Variants in MSH6 observed in about 807,000 individuals in gnomAD.
The protein encoded by MSH6 is mutS homolog 6.
In MSH6, 85 loss-of-function variants were observed where a neutral mutation model predicts 119.1. The ratio of observed to expected loss-of-function variants is 0.71; its 90% confidence interval spans 0.60 to 0.85. MSH6 has a LOEUF of 0.85. Among genes scored for constraint, MSH6 ranks in the 40% least tolerant of loss-of-function variants. The pLI, the probability that MSH6 is intolerant of heterozygous loss-of-function variation, is 0.00. For missense variants in MSH6, 2,163 were observed against 1,655.3 expected (o/e 1.31, Z -5.32); for synonymous variants, 830 against 586.9 (o/e 1.41, Z -5.99).
chr2:47,806,599 C>G lies in MSH6; in HGVS notation c.3949C>G (p.His1317Asp), dbSNP rs759092293. The stretch of plus-strand genomic sequence containing the variant: ...CCCAGAGGAAGTTATTCAAAAGGGA[C>G]ATAGAAAAGCAAGAGAATTTGAGAA... Reference protein sequence around the residue: ...NLPEEVIQKGHRKAREFEKMN... With the variant: ...NLPEEVIQKGDRKAREFEKMN... Residue 1317 changes from histidine to aspartate, a missense_variant, in exon 9 of 10, where the codon CAT (histidine) becomes GAT (aspartate). By Grantham distance (81) the His-to-Asp change is moderately conservative (BLOSUM62 -1). Coordinates refer to ENST00000234420, the MANE Select transcript of MSH6 (RefSeq NM_000179.3). 6 of 1,612,838 alleles carry G rather than the reference C, an allele frequency of 3.7e-6. No homozygotes were observed. Among genetic ancestry groups the G allele is most frequent in the Non-Finnish European group, 5.1e-6 (6 of 1,179,762 alleles).
rs1197568064 is a variant in MSH6 at position 47,783,145 on chromosome 2, A to G, written c.-89A>G. 4 of 1,565,496 alleles carry G rather than the reference A, an allele frequency of 2.6e-6. No homozygotes were observed. The highest frequency in any genetic ancestry group is 2.6e-6 in the Non-Finnish European group (3 of 1,151,478). ...CCTCCGGCGGAGCGCGCCTCCCCCCAGATTTCCCGCCAGCAGGAGCCGCGC... is the reference window on the plus strand; with the variant it reads ...CCTCCGGCGGAGCGCGCCTCCCCCCGGATTTCCCGCCAGCAGGAGCCGCGC... On this transcript the variant is annotated 5_prime_UTR_variant, in exon 1 of 10. Coordinates refer to ENST00000234420, the MANE Select transcript of MSH6 (RefSeq NM_000179.3).
downstream of MSH6, chr2:47,809,448 C>T: frequency 1.4e-6 from 1 of 692,056 alleles, no homozygotes; most frequent in Middle Eastern, 3.7e-4. Context: ...GATACTCCAA[C>T]CATTTAGAAC....
At chr2:47,785,842 T>G (rs958280267) in intron 1 of MSH6, among the ~76,000 whole-genome samples, 48 of 152,336 alleles carry the variant, frequency 3.2e-4, no homozygotes, top group African/African-American at 1.1e-3. Context: ...CGTATGTTAT[T>G]TGTTTCTTGA....
At chr2:47,787,598 T>A (rs1668424500) in intron 1 of MSH6, among the ~76,000 whole-genome samples, 1 of 152,116 alleles carries the variant, frequency 6.6e-6, no homozygotes, top group Admixed American at 6.5e-5. Context: ...CCTAAAATCA[T>A]AATTTAAGGT....
chr2:47,796,528 C>CA (rs1422761847), intron 3 of MSH6, among the ~76,000 whole-genome samples: 1 of 152,242 alleles, frequency 6.6e-6, no homozygotes, highest in Non-Finnish European at 1.5e-5. Context: ...AGGCATGAGC[C>CA]ACAGCACCCA....
chr2:47,792,216 T>C (rs997489701), intron 2 of MSH6, among the ~76,000 whole-genome samples: 4 of 152,216 alleles, frequency 2.6e-5, no homozygotes, highest in African/African-American at 7.2e-5. Flanking sequence ...CTCCAACTTC[T>C]GACCTCAGGT....
chr2:47,799,238 C>G lies in MSH6; in HGVS notation c.1255C>G (p.Gln419Glu), dbSNP rs762814792. The stretch of plus-strand genomic sequence containing the variant: ...GAGGAAGTGGTGGCAGATTAAGTCT[C>G]AGAACTTTGATCTTGTCATCTGTTA... ...GMRKWWQIKS[Q>E]NFDLVICYKV... Residue 419 changes from glutamine (Q) to glutamate (E), a missense_variant, in exon 4 of 10, where the codon CAG becomes GAG. Physicochemically the swap from Gln to Glu is conservative, Grantham distance 29. Coordinates refer to ENST00000234420, the MANE Select transcript of MSH6 (RefSeq NM_000179.3). 6.2e-7 allele frequency: 1 copy of G among 1,614,140 alleles called. No individual in the cohort carries two copies. Among genetic ancestry groups the G allele is most frequent in the Non-Finnish European group, 8.5e-7 (1 of 1,180,028 alleles).
chr2:47,792,105 C>A (rs997349141), intron 2 of MSH6, among the ~76,000 whole-genome samples: 1 of 152,198 alleles, frequency 6.6e-6, no homozygotes, highest in East Asian at 1.9e-4. Context: ...CTCCCCCTAC[C>A]AAAGTGCTGG....
At chr2:47,809,594 A>G (rs776226469), downstream of MSH6, 12 of 1,599,922 alleles carry the variant, frequency 7.5e-6, no homozygotes, top group South Asian at 9.9e-5. Context: ...GCAGACTCCA[A>G]CATACCTTTC....
At chr2:47,789,070 C>T (rs1240029934) in intron 1 of MSH6, among the ~76,000 whole-genome samples, 1 of 150,988 alleles carries the variant, frequency 6.6e-6, no homozygotes, top group Non-Finnish European at 1.5e-5. Flanking sequence ...GGATTATAGG[C>T]CTCTGCCACT....
intron 3 of MSH6, among the ~76,000 whole-genome samples, chr2:47,797,354 G>A (rs1036329459): frequency 2.0e-5 from 3 of 152,184 alleles, no homozygotes; most frequent in African/African-American, 7.2e-5. Context: ...TAATTTTAAG[G>A]TTGAAACTAA....
intron 1 of MSH6, among the ~76,000 whole-genome samples, chr2:47,785,486 G>A (rs1668297554): frequency 6.6e-6 from 1 of 152,132 alleles, no homozygotes; most frequent in African/African-American, 2.4e-5. Context: ...CCAAAGTGCT[G>A]GGATTACAGG....
intron 2 of MSH6, among the ~76,000 whole-genome samples, chr2:47,791,853 A>T (rs182872731): frequency 5.6e-4 from 81 of 143,944 alleles, no homozygotes; most frequent in East Asian, 4.1e-3. Flanking sequence ...ATATATATAT[A>T]TTTTTTTTTT....
Position 47,783,242 on chromosome 2 carries a change from A to G in MSH6, c.9A>G (p.Arg3=), listed in dbSNP as rs1553408080. Reference sequence around the variant, plus strand: ...CCTTGCCGGCTGTCGGTATGTCGCGACAGAGCACCCTGTACAGCTTCTTCC... The same window carrying G: ...CCTTGCCGGCTGTCGGTATGTCGCGGCAGAGCACCCTGTACAGCTTCTTCC... MS[R]QSTLYSFFPK... The change falls in exon 1 of 10, where the codon CGA becomes CGG. Residue 3 remains arginine (R), a synonymous_variant. Coordinates refer to ENST00000234420, the MANE Select transcript of MSH6 (RefSeq NM_000179.3). 1 of 1,611,578 alleles carries G rather than the reference A, an allele frequency of 6.2e-7. No homozygotes were observed. The highest frequency in any genetic ancestry group is 2.2e-5 in the East Asian group (1 of 44,694).
chr2:47,803,306 A>G, intron 4 of MSH6, 114 bp from the exon 5 acceptor site: 11 of 1,367,688 alleles, frequency 8.0e-6, no homozygotes, highest in Non-Finnish European at 1.1e-5. Context: ...GTTGGACTGT[A>G]ATTGAAAGTT....
rs1668103064 is a variant in MSH6, at chr2:47,783,176, A to T, written c.-58A>T. On this transcript the variant is annotated 5_prime_UTR_variant, in exon 1 of 10. The change abolishes an upstream ATG in the 5' untranslated region. Coordinates refer to ENST00000234420, the MANE Select transcript of MSH6 (RefSeq NM_000179.3). Reference sequence around the variant, plus strand: ...CCCGCCAGCAGGAGCCGCGCGGTAGATGCGGTGCTTTTAGGAGCTCCGTCC... The same window carrying T: ...CCCGCCAGCAGGAGCCGCGCGGTAGTTGCGGTGCTTTTAGGAGCTCCGTCC... The T allele has an allele frequency of 6.2e-6, 10 of 1,602,680 alleles. No homozygotes were observed. Among genetic ancestry groups the T allele is most frequent in the Non-Finnish European group, 6.8e-6 (8 of 1,175,922 alleles).
At chr2:47,808,073 A>G (rs1163777226), downstream of MSH6, 2 of 1,525,008 alleles carry the variant, frequency 1.3e-6, no homozygotes, top group South Asian at 2.3e-5. Flanking sequence ...AAGTGTTTTA[A>G]GTTATGATGT....
At chr2:47,806,678 T>TAAC (rs761508788) in intron 9 of MSH6, 27 bp downstream of exon 9, 1 of 1,596,988 alleles carries the variant, frequency 6.3e-7, no homozygotes. Context: ...AATGGAATTA[T>TAAC]AACTAACTGA....
At position 47,799,417 on chromosome 2, in the gene MSH6, T is replaced by C. The variant is rs1057521265; in HGVS notation, c.1434T>C (p.Tyr478=). 1.9e-6 allele frequency: 3 copies of C among 1,613,978 alleles called. No homozygotes were observed. The highest frequency in any genetic ancestry group is 2.5e-6 in the Non-Finnish European group (3 of 1,180,034). The change falls in exon 4 of 10, where the codon TAT becomes TAC. Residue 478 remains tyrosine, a synonymous_variant. Transcript: ENST00000234420. The stretch of plus-strand genomic sequence containing the variant: ...CAGATTCCCTGGTGCAGAAGGGCTA[T>C]AAAGTAGCACGAGTGGAACAGACTG... ...RYSDSLVQKG[Y]KVARVEQTET...
Sources: gnomAD v4.1 joint callset for allele counts (sites outside exome capture counted in the v4.1 genomes callset) on GRCh38, gnomAD v4.1.1 for gene constraint, MANE v1.5 for transcripts, NCBI Gene and HGNC (gene_info 2026-07-23, HGNC 2026-07-21) for gene names.